Variants in WWTR1 observed in about 807,000 individuals in gnomAD.
WWTR1 encodes the protein WW domain-containing transcription regulator protein 1.
A neutral mutation model predicts 40.1 loss-of-function variants in WWTR1; 13 were observed. The ratio of observed to expected loss-of-function variants is 0.32; its 90% CI spans 0.21 to 0.52. WWTR1 has a LOEUF of 0.52. WWTR1 is among the 20% of genes least tolerant of loss of function. The probability of loss-of-function intolerance (pLI) is 0.97; values close to 1 mark genes in which losing one functional copy is unlikely to be tolerated. For missense variants in WWTR1, 436 were observed against 523.1 expected (o/e 0.83, Z 1.63); for synonymous variants, 230 against 210.1 (o/e 1.09, Z -0.82).
chr3:149,714,226 G>A (rs1427529675), intron 5 of WWTR1, among the ~76,000 whole-genome samples: 1 of 152,212 alleles, frequency 6.6e-6, no homozygotes, highest in Non-Finnish European at 1.5e-5. Context: ...CCAAGACACC[G>A]CTGTGGACAT....
At chr3:149,655,617 C>G (rs1254463653) in intron 2 of WWTR1, among the ~76,000 whole-genome samples, 1 of 152,176 alleles carries the variant, frequency 6.6e-6, no homozygotes, top group African/African-American at 2.4e-5. Context: ...GTTTCAGAAT[C>G]TCAGCATTAC....
At chr3:149,680,314 C>T (rs1473018942) in intron 1 of WWTR1, among the ~76,000 whole-genome samples, 2 of 152,162 alleles carry the variant, frequency 1.3e-5, no homozygotes, top group Non-Finnish European at 2.9e-5. Context: ...GAGGCCGAGG[C>T]AGGCAGATCA....
chr3:149,639,129 A>G (rs1201451387), intron 2 of WWTR1, among the ~76,000 whole-genome samples: 3 of 152,178 alleles, frequency 2.0e-5, no homozygotes, highest in Non-Finnish European at 2.9e-5. Context: ...GTCTACAAAG[A>G]CTGCTCTTAA....
chr3:149,615,696 T>C (rs1739940294), intron 2 of WWTR1, among the ~76,000 whole-genome samples: 1 of 152,218 alleles, frequency 6.6e-6, no homozygotes, highest in South Asian at 2.1e-4. Context: ...GACATGCCTG[T>C]TCAGTTGGTA....
chr3:149,662,249 C>T (rs983413854), upstream of WWTR1, among the ~76,000 whole-genome samples: 4 of 152,128 alleles, frequency 2.6e-5, no homozygotes, highest in East Asian at 7.7e-4. Context: ...CTCCAGACTG[C>T]ATCCTGTGTG....
rs1276839532 is a variant in WWTR1, at chr3:149,573,967, A to G, written c.432-967T>C. Among the ~76,000 whole-genome samples, 4 of 152,002 alleles carry G rather than the reference A, an allele frequency of 2.6e-5. No homozygotes were observed. The East Asian group carries it at 7.7e-4, about 29-fold the overall frequency. On this transcript the variant is annotated intron_variant, in intron 2 of 6. Transcript: ENST00000360632. ...ATATATATATATATATGATGAGTAG[A>G]TTCATCCCGTTCCTCTACTTTGTTT...
chr3:149,555,784 C>A (rs537951995), intron 3 of WWTR1, among the ~76,000 whole-genome samples: 1 of 152,224 alleles, frequency 6.6e-6, no homozygotes, highest in East Asian at 1.9e-4. Context: ...AGTAGAGATA[C>A]AATGATGAAC....
At chr3:149,583,830 A>T (rs2108017045) in intron 2 of WWTR1, among the ~76,000 whole-genome samples, 1 of 152,298 alleles carries the variant, frequency 6.6e-6, no homozygotes, top group South Asian at 2.1e-4. Context: ...TGGCAGTGAA[A>T]CAACGAGCAG....
intron 3 of WWTR1, among the ~76,000 whole-genome samples, chr3:149,557,454 C>G (rs1038726706): frequency 2.0e-5 from 3 of 152,106 alleles, no homozygotes; most frequent in Non-Finnish European, 4.4e-5. Flanking sequence ...GGAGAACTCC[C>G]TCTTACATCT....
chr3:149,539,967 A>C (rs1345288976), intron 4 of WWTR1, among the ~76,000 whole-genome samples: 3 of 151,986 alleles, frequency 2.0e-5, no homozygotes, highest in Admixed American at 6.6e-5. Flanking sequence ...ATGGGGAAAA[A>C]ATCTGCCATG....
chr3:149,687,867 ACCCACTGTC>A (rs1714702922), intron 1 of WWTR1, among the ~76,000 whole-genome samples: 1 of 151,918 alleles, frequency 6.6e-6, no homozygotes, highest in African/African-American at 2.4e-5. Context: ...TCTGAAGGAA[ACCCACTGTC>A]CTGAAGGGAG....
At chr3:149,524,416 C>A (rs1234189667) in intron 6 of WWTR1, among the ~76,000 whole-genome samples, 2 of 149,202 alleles carry the variant, frequency 1.3e-5, no homozygotes, top group African/African-American at 5.0e-5. Context: ...TACTGGCTTC[C>A]CAGTGTTTAG....
chr3:149,619,762 C>T (rs1196585246), intron 2 of WWTR1, among the ~76,000 whole-genome samples: 1 of 152,162 alleles, frequency 6.6e-6, no homozygotes, highest in African/African-American at 2.4e-5. Flanking sequence ...AACTGACTGC[C>T]AAGGGACACA....
intron 3 of WWTR1, among the ~76,000 whole-genome samples, chr3:149,561,270 T>C (rs2107975049): frequency 6.6e-6 from 1 of 152,282 alleles, no homozygotes; most frequent in Non-Finnish European, 1.5e-5. Context: ...GTGCAGCCAT[T>C]AACATGATGT....
rs57583679 is a variant in WWTR1 at position 149,606,355 on chromosome 3, G to C, written c.432-33355C>G. ...ATATGCCCTGGGTTTCTCTAAGGCA[G>C]TCTTGGTTTCAAACATTCTGGCCCT... is the stretch of plus-strand genomic sequence containing the variant. On this transcript the variant is annotated intron_variant, in intron 2 of 6. Transcript: ENST00000360632. 7.9e-3 allele frequency among the ~76,000 whole-genome samples: 1,203 copies of C among 152,296 alleles called. 18 individuals are homozygous for C. The highest frequency in any genetic ancestry group is 0.027 in the African/African-American group (1,123 of 41,552).
rs751934319 is a variant in WWTR1, at chr3:149,547,826, C to CTT, written c.569-5291_569-5290dup. On this transcript the variant is annotated intron_variant, in intron 3 of 6. Transcript: ENST00000360632. ...TGTTTTCATCTCCTTTTCCCTTTTT[C>CTT]TTTTTTTTTTTTTTAATAATTGGCT... 2.3e-4 allele frequency among the ~76,000 whole-genome samples: 31 copies of CTT among 133,334 alleles called. 1 individual carries two copies. The South Asian group carries it at 5.4e-3, about 23-fold the overall frequency. 87.5% of individuals were successfully genotyped at this position (133,334 alleles called of 152,430 possible). A position where few individuals can be genotyped will look rare whatever the true frequency, so the allele number is the denominator to read the frequency against.
At chr3:149,674,056 CAA>C (rs71138404) in intron 1 of WWTR1, among the ~76,000 whole-genome samples, 2 of 121,858 alleles carry the variant, frequency 1.6e-5, no homozygotes, top group Non-Finnish European at 1.7e-5. Flanking sequence ...CTCGTCTCTA[CAA>C]AAAAAAAAAA....
intron 2 of WWTR1, among the ~76,000 whole-genome samples, chr3:149,609,179 T>C (rs1263904816): frequency 6.6e-6 from 1 of 152,210 alleles, no homozygotes; most frequent in Non-Finnish European, 1.5e-5. Context: ...AGGTCCAAAG[T>C]GCCATTCAGC....
chr3:149,553,154 C>T (rs536830028), intron 3 of WWTR1, among the ~76,000 whole-genome samples: 244 of 152,266 alleles, frequency 1.6e-3, no homozygotes, highest in South Asian at 4.6e-3. Flanking sequence ...AGATTAAATG[C>T]CTCAGCCCAG....
Sources: gnomAD v4.1 joint callset for allele counts (sites outside exome capture counted in the v4.1 genomes callset) on GRCh38, gnomAD v4.1.1 for gene constraint, MANE v1.5 for transcripts, NCBI Gene and HGNC (gene_info 2026-07-23, HGNC 2026-07-21) for gene names.